RBL1: variants seen among roughly 807,000 people sequenced by gnomAD.
The protein encoded by RBL1 is retinoblastoma-like protein 1.
A neutral mutation model predicts 123.0 loss-of-function variants in RBL1; 82 were observed. That is an observed-to-expected ratio of 0.67 (90% CI 0.56 to 0.80). The LOEUF (loss-of-function observed/expected upper bound fraction) is 0.80. Ranked by LOEUF, RBL1 falls within the 30% of genes least tolerant of loss-of-function variation. The probability of loss-of-function intolerance (pLI) is 0.00; values close to 1 mark genes in which losing one functional copy is unlikely to be tolerated. For missense variants in RBL1, 1,171 were observed against 1,299.6 expected (o/e 0.90, Z 1.52); for synonymous variants, 405 against 441.3 (o/e 0.92, Z 1.03).
chr20:37,067,778 A>C (rs1431053667), intron 3 of RBL1, among the ~76,000 whole-genome samples: 6 of 151,150 alleles, frequency 4.0e-5, no homozygotes, highest in African/African-American at 7.3e-5. Context: ...AAAAAAAAAA[A>C]AAAAAAAAAA....
At chr20:37,065,907 C>T (rs996771954) in intron 6 of RBL1, among the ~76,000 whole-genome samples, 9 of 152,172 alleles carry the variant, frequency 5.9e-5, no homozygotes, top group Non-Finnish European at 1.3e-4. Flanking sequence ...AGCCACCGCG[C>T]CCAGTCCCTG....
intron 16 of RBL1, among the ~76,000 whole-genome samples, chr20:37,030,357 TCG>T (rs2064486366): frequency 6.6e-6 from 1 of 152,208 alleles, no homozygotes; most frequent in Non-Finnish European, 1.5e-5. Context: ...TTTCAACAAA[TCG>T]TGCTGGGAAA....
At chr20:37,038,474 T>C (rs184611512) in intron 14 of RBL1, among the ~76,000 whole-genome samples, 1 of 149,496 alleles carries the variant, frequency 6.7e-6, no homozygotes, top group South Asian at 2.1e-4. Context: ...CTAATTTTTG[T>C]ATTTTTAGTA....
At chr20:37,018,014 T>C (rs2146222325) in intron 19 of RBL1, among the ~76,000 whole-genome samples, 1 of 152,340 alleles carries the variant, frequency 6.6e-6, no homozygotes, top group Non-Finnish European at 1.5e-5. Context: ...TTTAGAATTT[T>C]ATTAAGTCTC....
rs1047888223 is a variant in RBL1, at chr20:36,997,423, G to A, written c.*1336C>T. 3.3e-5 allele frequency: 5 copies of A among 152,106 alleles called. No homozygotes were observed. The highest frequency in any genetic ancestry group is 2.1e-4 in the South Asian group (1 of 4,826). 9.4% of individuals were successfully genotyped at this position (152,106 alleles called of 1,614,324 possible). ...GTACCCAGTGGTCAAACACTAGCAG[G>A]AAACTCATGATGCACTAACAATACT... On this transcript the variant is annotated 3_prime_UTR_variant, in exon 22 of 22. Transcript: ENST00000373664.
chr20:37,091,495 C>A (rs2065645913), intron 1 of RBL1, among the ~76,000 whole-genome samples: 1 of 151,626 alleles, frequency 6.6e-6, no homozygotes, highest in African/African-American at 2.4e-5. Context: ...TAGTGAGACC[C>A]CCGTCTGTAC....
rs923370170 is a variant in RBL1 at position 36,997,401 on chromosome 20, C to T, written c.*1358G>A. ...GTACTAAAAAACATCTTCAGGAGTA[C>T]CCAGTGGTCAAACACTAGCAGGAAA... is the stretch of plus-strand genomic sequence containing the variant. On this transcript the variant is annotated 3_prime_UTR_variant, in exon 22 of 22. Transcript: ENST00000373664. 2 of 152,076 alleles carry T rather than the reference C, an allele frequency of 1.3e-5. No homozygotes were observed. Among genetic ancestry groups the T allele is most frequent in the African/African-American group, 4.8e-5 (2 of 41,402 alleles). The allele number at this position is 152,076 out of a possible 1,614,324, so 9.4% of individuals were successfully genotyped here.
At chr20:37,087,929 T>C (rs2065575382) in intron 2 of RBL1, among the ~76,000 whole-genome samples, 1 of 152,202 alleles carries the variant, frequency 6.6e-6, no homozygotes, top group Non-Finnish European at 1.5e-5. Context: ...GGTAAAAGGC[T>C]ACAAATGTAT....
chr20:37,031,726 TAG>T (rs963037952), intron 16 of RBL1, among the ~76,000 whole-genome samples: 9 of 152,104 alleles, frequency 5.9e-5, no homozygotes, highest in African/African-American at 2.2e-4. Flanking sequence ...GAGACTTGAA[TAG>T]ATATTTGTTG....
chr20:37,061,070 A>T, intron 9 of RBL1, 33 bp downstream of exon 9: 1 of 1,493,016 alleles, frequency 6.7e-7, no homozygotes, highest in Non-Finnish European at 9.0e-7. Context: ...AATTTTAAAA[A>T]GACATTTGGA....
At chr20:37,038,325 G>A (rs1312297419) in intron 14 of RBL1, among the ~76,000 whole-genome samples, 4 of 136,286 alleles carry the variant, frequency 2.9e-5, no homozygotes, top group Admixed American at 7.7e-5. Flanking sequence ...TTTTTGGGTC[G>A]GAGACTCGCT....
rs763057429 is a variant in RBL1, at chr20:37,044,177, TC to T, written c.1678del (p.Glu560AsnfsTer7). 3 of 1,613,984 alleles carry T rather than the reference TC, an allele frequency of 1.9e-6. No homozygotes were observed. In the South Asian group the frequency reaches 3.3e-5, roughly 18 times the overall value. On this transcript the variant is annotated frameshift_variant, in exon 13 of 22. Transcript: ENST00000373664. LOFTEE classifies it high-confidence loss of function. ...CCATGCTAAACTCTCCAAAATCTGT[TC>T]TTCAATGCTGTTTAGGTGTTTCACC... is the stretch of plus-strand genomic sequence containing the variant. The part of the protein sequence containing the change: ...DMVKHLNSIE[E>X]QILESLAWSH...
intron 11 of RBL1, among the ~76,000 whole-genome samples, chr20:37,051,637 T>C (rs964665631): frequency 6.7e-6 from 1 of 148,628 alleles, no homozygotes; most frequent in African/African-American, 2.5e-5. Flanking sequence ...AAAACATCTA[T>C]ACAAAAAAAA....
At position 37,044,218 on chromosome 20, in the gene RBL1, C is replaced by T; in HGVS notation, c.1638G>A (p.Gly546=). The T allele has an allele frequency of 3.7e-6, 6 of 1,613,740 alleles. 1 individual carries two copies. The South Asian group carries it at 6.6e-5, about 18-fold the overall frequency. The change falls in exon 13 of 22, where the codon GGG becomes GGA. Residue 546 remains glycine (G), a synonymous_variant. Transcript: ENST00000373664. ...GGTGTTTCACCATGTCCCTTGAGAG[C>T]CCCTCTTCTGAGCGGATCACCACCT... ...VIEVVIRSEE[G]LSRDMVKHLN...
chr20:37,079,614 A>G (rs958556798), intron 2 of RBL1, among the ~76,000 whole-genome samples: 24 of 151,984 alleles, frequency 1.6e-4, no homozygotes, highest in African/African-American at 5.3e-4. Flanking sequence ...CTACAGGTGC[A>G]TATCACCACA....
chr20:37,036,979 G>T (rs1367557932), intron 14 of RBL1, among the ~76,000 whole-genome samples: 1 of 152,158 alleles, frequency 6.6e-6, no homozygotes, highest in Non-Finnish European at 1.5e-5. Context: ...CCCTGGCAAT[G>T]ATTTAGAAGC....
intron 1 of RBL1, among the ~76,000 whole-genome samples, chr20:37,095,155 C>T (rs887620731): frequency 2.0e-5 from 3 of 152,204 alleles, no homozygotes; most frequent in African/African-American, 7.2e-5. Flanking sequence ...GATGCTCTGA[C>T]GGAGGAGGAA....
At chr20:37,041,480 C>T (rs965522970) in intron 13 of RBL1, among the ~76,000 whole-genome samples, 3 of 152,052 alleles carry the variant, frequency 2.0e-5, no homozygotes, top group African/African-American at 7.2e-5. Flanking sequence ...TGCCACCATG[C>T]CCAGCTAATT....
chr20:37,086,850 T>C (rs1029506349), intron 2 of RBL1, among the ~76,000 whole-genome samples: 9 of 152,080 alleles, frequency 5.9e-5, no homozygotes, highest in Non-Finnish European at 1.0e-4. Context: ...AGTAGAGAAA[T>C]AGGACAACAT....
Sources: allele counts gnomAD v4.1 joint callset (sites outside exome capture counted in the v4.1 genomes callset), GRCh38; gene constraint gnomAD v4.1.1; transcripts MANE v1.5; gene names NCBI Gene and HGNC (gene_info 2026-07-23, HGNC 2026-07-21).